The following CLYBL variants were observed in gnomAD, a reference collection of about 807,000 sequenced individuals.
The protein encoded by CLYBL is citramalyl-CoA lyase, mitochondrial.
CLYBL carries 31 observed loss-of-function variants against 38.9 expected under a neutral mutation model. The observed-to-expected ratio is 0.80, with a 90% CI of 0.60 to 1.08. The LOEUF (loss-of-function observed/expected upper bound fraction) is 1.08. Among genes scored for constraint, CLYBL ranks in the 50% least tolerant of loss-of-function variants. The probability of loss-of-function intolerance (pLI) is 0.00; values close to 1 mark genes in which losing one functional copy is unlikely to be tolerated. For missense variants in CLYBL, 434 were observed against 411.6 expected, an observed-to-expected ratio of 1.05 and a Z score of -0.47; for synonymous variants, 171 against 158.6, an observed-to-expected ratio of 1.08 and a Z score of -0.59.
At chr13:99,609,627 C>T (rs1228504048) in intron 1 of CLYBL, among the ~76,000 whole-genome samples, 1 of 152,192 alleles carries the variant, frequency 6.6e-6, no homozygotes, top group Non-Finnish European at 1.5e-5. Flanking sequence ...ACCTCTGCCT[C>T]CTGGGCTCAA....
chr13:99,782,250 T>C (rs935086780), intron 2 of CLYBL, among the ~76,000 whole-genome samples: 5 of 152,214 alleles, frequency 3.3e-5, no homozygotes, highest in Admixed American at 6.5e-5. Context: ...CTCACACCTG[T>C]AATGCCATTA....
At chr13:99,871,237 C>T (rs1487463630) in intron 7 of CLYBL, among the ~76,000 whole-genome samples, 175 bp downstream of exon 7, 5 of 152,158 alleles carry the variant, frequency 3.3e-5, no homozygotes, top group Non-Finnish European at 7.3e-5. Flanking sequence ...ATTTGCCCTG[C>T]CCATGTTCCT....
chr13:99,839,485 G>T (rs1467885087), intron 2 of CLYBL, among the ~76,000 whole-genome samples: 1 of 152,172 alleles, frequency 6.6e-6, no homozygotes, highest in East Asian at 1.9e-4. Flanking sequence ...CTCTGATTCT[G>T]TGATTCTCAC....
intron 2 of CLYBL, among the ~76,000 whole-genome samples, chr13:99,788,859 A>G (rs1594183937): frequency 6.6e-6 from 1 of 152,260 alleles, no homozygotes; most frequent in East Asian, 1.9e-4. Context: ...TAAGCTATTA[A>G]TTATTGCCTC....
intron 1 of CLYBL, among the ~76,000 whole-genome samples, chr13:99,678,552 A>G (rs1057344429): frequency 6.6e-6 from 1 of 152,256 alleles, no homozygotes; most frequent in Non-Finnish European, 1.5e-5. Flanking sequence ...GCATCAAAAA[A>G]GGCAAGATAG....
intron 1 of CLYBL, among the ~76,000 whole-genome samples, chr13:99,729,336 C>T (rs1489864867): frequency 6.6e-6 from 1 of 152,142 alleles, no homozygotes; most frequent in African/African-American, 2.4e-5. Flanking sequence ...CTTCAGCAGC[C>T]CTTTAGATTG....
At chr13:99,616,188 G>GC (rs1354111246) in intron 1 of CLYBL, among the ~76,000 whole-genome samples, 1 of 121,148 alleles carries the variant, frequency 8.3e-6, no homozygotes, top group Admixed American at 1.1e-4. Flanking sequence ...AAGCTATGTT[G>GC]CCCAGACTGG....
At chr13:99,836,970 C>T (rs1157760840) in intron 2 of CLYBL, among the ~76,000 whole-genome samples, 5 of 152,096 alleles carry the variant, frequency 3.3e-5, no homozygotes, top group Admixed American at 2.0e-4. Flanking sequence ...AGCACACCAA[C>T]ATGGCACATG....
chr13:99,637,931 A>G (rs2047042505), intron 1 of CLYBL, among the ~76,000 whole-genome samples: 1 of 144,624 alleles, frequency 6.9e-6, no homozygotes, highest in Non-Finnish European at 1.5e-5. Flanking sequence ...GTTACGGATC[A>G]TTCTTATCTA....
At chr13:99,871,091 G>T in intron 7 of CLYBL, 29 bp downstream of exon 7, 2 of 1,611,066 alleles carry the variant, frequency 1.2e-6, no homozygotes, top group South Asian at 1.1e-5. Flanking sequence ...CCTTGGGTGA[G>T]AGCAGTATTG....
chr13:99,629,342 T>A lies in CLYBL; in HGVS notation c.62+22585T>A, dbSNP rs116557883. ...TCTGTAGACATTGCCTCCTGACAAG[T>A]ACAAATGCGTCTGTTGAAATCTCAG... On this transcript the variant is annotated intron_variant, in intron 1 of 8. Coordinates refer to ENST00000339105, the MANE Select transcript of CLYBL (RefSeq NM_206808.5). Among the ~76,000 whole-genome samples, 1,202 of 152,338 alleles carry A rather than the reference T, an allele frequency of 7.9e-3. 17 individuals are homozygous for A. The highest frequency in any genetic ancestry group is 0.026 in the African/African-American group (1,095 of 41,566).
At chr13:99,766,223 T>A (rs901142634) in intron 1 of CLYBL, among the ~76,000 whole-genome samples, 1 of 152,150 alleles carries the variant, frequency 6.6e-6, no homozygotes, top group African/African-American at 2.4e-5. Context: ...TTTAAAGATT[T>A]TTTTCTCCTT....
chr13:99,622,881 G>T (rs2046818152), intron 1 of CLYBL, among the ~76,000 whole-genome samples: 1 of 152,142 alleles, frequency 6.6e-6, no homozygotes. Flanking sequence ...ACCCAGGCTG[G>T]AGTGTAGTGG....
At chr13:99,700,344 C>A (rs1438681712) in intron 1 of CLYBL, among the ~76,000 whole-genome samples, 1 of 152,126 alleles carries the variant, frequency 6.6e-6, no homozygotes, top group East Asian at 1.9e-4. Flanking sequence ...ACTCAGGAGG[C>A]TGAGGCAGGA....
chr13:99,740,552 G>A (rs2048736386), intron 1 of CLYBL, among the ~76,000 whole-genome samples: 1 of 152,144 alleles, frequency 6.6e-6, no homozygotes, highest in Admixed American at 6.5e-5. Flanking sequence ...TTTTCTATGT[G>A]CCGGTCTTGC....
At chr13:99,825,716 T>C (rs532533898) in intron 2 of CLYBL, among the ~76,000 whole-genome samples, 3 of 152,082 alleles carry the variant, frequency 2.0e-5, no homozygotes, top group Non-Finnish European at 4.4e-5. Context: ...TTAGTGAATA[T>C]CTGAGAATGT....
Position 99,709,923 on chromosome 13 carries a change from CTT to C in CLYBL, c.63-62884_63-62883del, listed in dbSNP as rs373484721. Among the ~76,000 whole-genome samples, 290 of 110,440 alleles carry C rather than the reference CTT, an allele frequency of 2.6e-3. 1 individual carries two copies. Among genetic ancestry groups the C allele is most frequent in the African/African-American group, 9.0e-3 (248 of 27,470 alleles). The allele number at this position is 110,440 out of a possible 152,430, so 72.5% of individuals were successfully genotyped here. A position where few individuals can be genotyped will look rare whatever the true frequency, so the allele number is the denominator to read the frequency against. ...CTACCTTTTTTTTTTTTCTTTCTTT[CTT>C]TTTTTTTTTTTTTTTTGAGACGGAG... On this transcript the variant is annotated intron_variant, in intron 1 of 8. Transcript: ENST00000339105.
chr13:99,733,570 C>T (rs900742050), intron 1 of CLYBL, among the ~76,000 whole-genome samples: 2 of 152,198 alleles, frequency 1.3e-5, no homozygotes, highest in African/African-American at 4.8e-5. Flanking sequence ...AGGTCATTAT[C>T]GAAGTAGATA....
chr13:99,628,902 T>G (rs1212534290), intron 1 of CLYBL, among the ~76,000 whole-genome samples: 4 of 152,228 alleles, frequency 2.6e-5, no homozygotes, highest in Non-Finnish European at 5.9e-5. Flanking sequence ...GAGGGGCCCT[T>G]GCTACAAGTG....
Sources: gnomAD v4.1 joint callset for allele counts (sites outside exome capture counted in the v4.1 genomes callset) on GRCh38, gnomAD v4.1.1 for gene constraint, MANE v1.5 for transcripts, NCBI Gene and HGNC (gene_info 2026-07-23, HGNC 2026-07-21) for gene names.